The following EVC2 variants were observed in gnomAD, a reference collection of about 807,000 sequenced individuals.
EVC2 encodes EvC ciliary complex subunit 2, also known as limbin.
EVC2 carries 148 observed loss-of-function variants against 149.3 expected under a neutral mutation model. The ratio of observed to expected loss-of-function variants is 0.99; its 90% CI spans 0.87 to 1.14. The LOEUF (loss-of-function observed/expected upper bound fraction) is 1.14, where lower values mean the gene tolerates loss of function less well. Among genes scored for constraint, EVC2 ranks in the 50% most tolerant of loss-of-function variants. The pLI is 0.00. For missense variants in EVC2, 1,854 were observed against 1,627.3 expected, an observed-to-expected ratio of 1.14 and a Z score of -2.40; for synonymous variants, 776 against 649.9, an observed-to-expected ratio of 1.19 and a Z score of -2.95.
intron 21 of EVC2, among the ~76,000 whole-genome samples, chr4:5,556,966 C>CA (rs1230475066): frequency 1.3e-5 from 2 of 152,070 alleles, no homozygotes; most frequent in Non-Finnish European, 2.9e-5. Flanking sequence ...GCCCCAGACT[C>CA]AGATCATTTT....
chr4:5,581,442 C>G (rs28836012), intron 17 of EVC2, among the ~76,000 whole-genome samples: 28,484 of 150,674 alleles, frequency 0.19, 6,272 homozygotes, highest in African/African-American at 0.54. Context: ...TTGGGAACTG[C>G]AGTAAAGGTC....
In EVC2 at chr4:5,614,172, C is replaced by T. The variant is rs903746740; in HGVS notation, c.2829+1250G>A. 6.6e-6 allele frequency among the ~76,000 whole-genome samples: 1 copy of T among 152,144 alleles called. No individual in the cohort carries two copies. Among genetic ancestry groups the T allele is most frequent in the African/African-American group, 2.4e-5 (1 of 41,428 alleles). On this transcript the variant is annotated intron_variant, in intron 16 of 21. Transcript: ENST00000344408. This position sits in a 1 kb window ranked among gnomAD's most constrained non-coding sequence, Gnocchi z 4.7. ...TTAAGCAGCACCTTTGCAGAGGAGA[C>T]CCTGCCTCCTCTCCTACCTACAGTC... is the stretch of plus-strand genomic sequence containing the variant.
intron 16 of EVC2, among the ~76,000 whole-genome samples, chr4:5,612,753 T>G (rs1367919227): frequency 6.6e-6 from 1 of 151,626 alleles, no homozygotes; most frequent in East Asian, 1.9e-4. Flanking sequence ...AAACCCTGTC[T>G]CTACTAAAAA....
downstream of EVC2, among the ~76,000 whole-genome samples, chr4:5,541,216 T>C (rs530280684): frequency 1.3e-5 from 2 of 152,250 alleles, no homozygotes; most frequent in South Asian, 2.1e-4. Flanking sequence ...CAACTATTCA[T>C]TGACTGCCTA....
chr4:5,529,910 G>A, the EVC2 span, among the ~76,000 whole-genome samples: 8 of 149,460 alleles, frequency 5.4e-5, no homozygotes, highest in Non-Finnish European at 1.2e-4. This position sits in a 1 kb window ranked among gnomAD's most constrained non-coding sequence, Gnocchi z 4.5. Context: ...TCCACCTCCC[G>A]GTGCAAGCGA....
intron 7 of EVC2, among the ~76,000 whole-genome samples, chr4:5,672,232 G>A (rs181781586): frequency 2.6e-5 from 4 of 152,210 alleles, no homozygotes; most frequent in Admixed American, 6.5e-5. Flanking sequence ...GCTGGGCCAG[G>A]GGGAGGGCGA....
In EVC2 at chr4:5,576,294, A is replaced by G. The variant is rs149527560; in HGVS notation, c.3218T>C (p.Val1073Ala). 4.0e-5 allele frequency: 65 copies of G among 1,614,132 alleles called. No homozygotes were observed. In the African/African-American group the frequency reaches 6.5e-4, roughly 16 times the overall value. ...GCTCTTGCTCAGGGCTTGGTGCAGG[A>G]CAGTAGAGACCTGCCTTTCAGAATC... ...EVDSERQVSTVLHQALSKSQT... is the reference protein window; with the variant it reads ...EVDSERQVSTALHQALSKSQT... The change falls in exon 18 of 22, where the codon GTC (valine) becomes GCC (alanine). Residue 1073 changes from valine (V) to alanine (A), a missense_variant. Coordinates refer to ENST00000344408, the MANE Select transcript of EVC2 (RefSeq NM_147127.5). The surrounding 1 kb of genome is among the most constrained non-coding windows in gnomAD (Gnocchi z 4.5).
chr4:5,647,666 G>A (rs1717820222), intron 9 of EVC2, among the ~76,000 whole-genome samples: 1 of 152,214 alleles, frequency 6.6e-6, no homozygotes, highest in African/African-American at 2.4e-5. Context: ...GAGACAGACA[G>A]AATGGATTTC....
intron 16 of EVC2, among the ~76,000 whole-genome samples, chr4:5,595,061 G>A (rs569643437): frequency 3.9e-5 from 6 of 152,310 alleles, no homozygotes; most frequent in African/African-American, 1.4e-4. Context: ...AGAAATATGG[G>A]ACTATGTGAA....
chr4:5,583,036 T>G (rs1443293671), intron 17 of EVC2, among the ~76,000 whole-genome samples: 1 of 152,182 alleles, frequency 6.6e-6, no homozygotes, highest in African/African-American at 2.4e-5. Flanking sequence ...CCTTTATAAA[T>G]TACCCAGTCT....
intron 17 of EVC2, among the ~76,000 whole-genome samples, chr4:5,579,469 A>T (rs1392784221): frequency 6.6e-6 from 1 of 152,164 alleles, no homozygotes; most frequent in Non-Finnish European, 1.5e-5. Flanking sequence ...TGGGCAGCGA[A>T]AGGTGGAAAG....
chr4:5,628,247 G>A (rs1000474569), intron 12 of EVC2, among the ~76,000 whole-genome samples: 2 of 151,768 alleles, frequency 1.3e-5, no homozygotes, highest in Non-Finnish European at 2.9e-5. Flanking sequence ...ATTAAGAGAC[G>A]GGACCTTTAC....
Position 5,636,995 on chromosome 4 carries a change from T to C in EVC2, c.1470+3519A>G, listed in dbSNP as rs1310377177. Among the ~76,000 whole-genome samples the C allele has an allele frequency of 6.6e-6, 1 of 152,046 alleles. No homozygotes were observed. Among genetic ancestry groups the C allele is most frequent in the Non-Finnish European group, 1.5e-5 (1 of 68,010 alleles). ...GGCGGCTGCTTGTCTTTGAACAGAG[T>C]GACCTAGGACATCCGGAGTGATGGT... is the stretch of plus-strand genomic sequence containing the variant. On this transcript the variant is annotated intron_variant, in intron 10 of 21. Transcript: ENST00000344408. This position sits in a 1 kb window ranked among gnomAD's most constrained non-coding sequence, Gnocchi z 4.6.
rs765770073 is a variant in EVC2 at position 5,576,295 on chromosome 4, C to G, written c.3217G>C (p.Val1073Leu). 1.2e-6 allele frequency: 2 copies of G among 1,614,190 alleles called. No homozygotes were observed. Among genetic ancestry groups the G allele is most frequent in the Non-Finnish European group, 1.7e-6 (2 of 1,180,036 alleles). ...CTCTTGCTCAGGGCTTGGTGCAGGA[C>G]AGTAGAGACCTGCCTTTCAGAATCC... ...EVDSERQVST[V>L]LHQALSKSQT... Residue 1073 changes from valine to leucine, a missense_variant, in exon 18 of 22, where the codon GTC (valine) becomes CTC (leucine). Coordinates refer to ENST00000344408, the MANE Select transcript of EVC2 (RefSeq NM_147127.5). This position sits in a 1 kb window ranked among gnomAD's most constrained non-coding sequence, Gnocchi z 4.5.
chr4:5,548,990 G>C (rs200237225), intron 21 of EVC2, among the ~76,000 whole-genome samples: 7 of 133,204 alleles, frequency 5.3e-5, no homozygotes, highest in Non-Finnish European at 8.1e-5. Context: ...TCTTTCTTCC[G>C]TCCCTCCCTC....
chr4:5,702,522 A>G (rs1721891546), intron 1 of EVC2, among the ~76,000 whole-genome samples: 1 of 152,214 alleles, frequency 6.6e-6, no homozygotes, highest in African/African-American at 2.4e-5. Flanking sequence ...ATCAACTTCC[A>G]GTAGAATGGT....
chr4:5,539,887 T>A (rs1721485239), downstream of EVC2, among the ~76,000 whole-genome samples: 1 of 152,154 alleles, frequency 6.6e-6, no homozygotes, highest in African/African-American at 2.4e-5. Flanking sequence ...TTGGACTTTA[T>A]CAAAATTAAT....
Position 5,653,935 on chromosome 4 carries a change from C to T in EVC2, c.1145+9172G>A, listed in dbSNP as rs137927549. On this transcript the variant is annotated intron_variant, in intron 9 of 21. Coordinates refer to ENST00000344408, the MANE Select transcript of EVC2 (RefSeq NM_147127.5). ...TTGAAACGAGAGGCTGAAAACAGGC[C>T]GGGCATGGTGGTTCATGCCTGTAAT... Among the ~76,000 whole-genome samples, 439 of 152,284 alleles carry T rather than the reference C, an allele frequency of 2.9e-3. 2 individuals carry two copies. The highest frequency in any genetic ancestry group is 9.9e-3 in the African/African-American group (412 of 41,558).
chr4:5,584,801 T>C lies in EVC2; in HGVS notation c.2879A>G (p.Glu960Gly). 1 of 1,614,086 alleles carries C rather than the reference T, an allele frequency of 6.2e-7. No individual in the cohort carries two copies. The highest frequency in any genetic ancestry group is 8.5e-7 in the Non-Finnish European group (1 of 1,180,016). ...RERVQRMEAQ[E>G]GGFAQSLVAL... ...AACAAGCGACTGTGCAAAGCCTCCCTCCTGTGCCTCCATCCGCTGCACTCT... is the reference window on the plus strand; with the variant it reads ...AACAAGCGACTGTGCAAAGCCTCCCCCCTGTGCCTCCATCCGCTGCACTCT... The change falls in exon 17 of 22, where the codon GAG (glutamate) becomes GGG (glycine). Residue 960 changes from glutamate to glycine, a missense_variant. Glu to Gly is a moderately conservative substitution (Grantham distance 98). Coordinates refer to ENST00000344408, the MANE Select transcript of EVC2 (RefSeq NM_147127.5).
Sources: gnomAD v4.1 joint callset for allele counts (sites outside exome capture counted in the v4.1 genomes callset) on GRCh38, gnomAD v4.1.1 for gene constraint, Gnocchi (gnomAD v3.1) non-coding constraint, MANE v1.5 for transcripts, NCBI Gene and HGNC (gene_info 2026-07-23, HGNC 2026-07-21) for gene names.